Variants in FAT4 observed in about 807,000 individuals in gnomAD.
The protein encoded by FAT4 is FAT atypical cadherin 4, also known as protocadherin Fat 4.
Under a neutral mutation model 303.9 loss-of-function variants are expected in FAT4, and 84 were observed. The observed-to-expected ratio is 0.28, with a 90% CI of 0.23 to 0.33. The LOEUF (loss-of-function observed/expected upper bound fraction) is 0.33. FAT4 is among the 10% of genes least tolerant of loss of function. The pLI is 1.00. For synonymous variants in FAT4, 2,307 were observed against 2,298.8 expected, an observed-to-expected ratio of 1.00 and a Z score of -0.10; for missense variants, 6,005 against 6,146.8, an observed-to-expected ratio of 0.98 and a Z score of 0.77.
At chr4:125,410,361 G>A (rs542506006) in intron 5 of FAT4, among the ~76,000 whole-genome samples, 4 of 152,224 alleles carry the variant, frequency 2.6e-5, no homozygotes, top group Non-Finnish European at 4.4e-5. Context: ...CCTGGCCTAA[G>A]AACATTGCAC....
chr4:125,327,631 TTA>T (rs963160119), intron 2 of FAT4, among the ~76,000 whole-genome samples: 2 of 152,206 alleles, frequency 1.3e-5, no homozygotes, highest in Non-Finnish European at 2.9e-5. Flanking sequence ...GCTGCATATT[TTA>T]TATATATCTT....
chr4:125,364,184 T>A (rs1417150355), intron 2 of FAT4, among the ~76,000 whole-genome samples: 1 of 152,026 alleles, frequency 6.6e-6, no homozygotes, highest in African/African-American at 2.4e-5. Context: ...TCACTCTAGC[T>A]TCCCCTCTTT....
chr4:125,399,628 A>G (rs1040384211), intron 3 of FAT4, among the ~76,000 whole-genome samples: 33 of 151,948 alleles, frequency 2.2e-4, no homozygotes, highest in Non-Finnish European at 4.1e-4. Flanking sequence ...TGGCATATGA[A>G]TCAGTGCTTT....
At chr4:125,388,692 T>A (rs1475287181) in intron 2 of FAT4, among the ~76,000 whole-genome samples, 3 of 152,200 alleles carry the variant, frequency 2.0e-5, no homozygotes, top group Non-Finnish European at 4.4e-5. Context: ...TTGAAGTGGT[T>A]ACACATGGTT....
At chr4:125,488,247 A>G (rs1459139981) in intron 17 of FAT4, among the ~76,000 whole-genome samples, 2 of 152,382 alleles carry the variant, frequency 1.3e-5, no homozygotes, top group East Asian at 1.9e-4. Flanking sequence ...GGAGGCTAAC[A>G]TCATAGGCAA....
intron 2 of FAT4, among the ~76,000 whole-genome samples, chr4:125,326,204 T>G (rs1047581160): frequency 2.2e-4 from 34 of 152,030 alleles, no homozygotes; most frequent in African/African-American, 7.2e-4. Context: ...CACAAGAAAC[T>G]ATTAAGATTT....
chr4:125,476,177 T>G lies in FAT4; in HGVS notation c.12220T>G (p.Ser4074Ala), dbSNP rs142210211. The change falls in exon 13 of 18, where the codon TCC (serine) becomes GCC (alanine). Residue 4074 changes from serine (S) to alanine (A), a missense_variant. Ser to Ala is a moderately conservative substitution (Grantham distance 99). Coordinates refer to ENST00000394329, the MANE Select transcript of FAT4 (RefSeq NM_001291303.3). ...TCTTTCTCTTGCTTCGTAGGCAGCCTCCTTAACTGTGGACTCCTGTTCTGA... is the reference window on the plus strand; with the variant it reads ...TCTTTCTCTTGCTTCGTAGGCAGCCGCCTTAACTGTGGACTCCTGTTCTGA... ...VIARRAGMAASLTVDSCSENQ... is the reference protein window; with the variant it reads ...VIARRAGMAAALTVDSCSENQ... The G allele has an allele frequency of 1.9e-6, 3 of 1,592,838 alleles. No individual in the cohort carries two copies. The African/African-American group carries it at 4.0e-5, about 21-fold the overall frequency.
At chr4:125,334,389 G>A (rs10034706) in intron 2 of FAT4, among the ~76,000 whole-genome samples, 77,573 of 151,812 alleles carry the variant, frequency 0.51, 20,560 homozygotes, top group Non-Finnish European at 0.59. Context: ...AATCCCATTT[G>A]CAAAGATCCT....
intron 7 of FAT4, among the ~76,000 whole-genome samples, chr4:125,427,485 C>T (rs1233559215): frequency 6.6e-6 from 1 of 151,888 alleles, no homozygotes; most frequent in Admixed American, 6.6e-5. Context: ...TAATTAGCAG[C>T]AATACATTAT....
At chr4:125,410,108 T>C (rs963713687) in intron 5 of FAT4, among the ~76,000 whole-genome samples, 32 of 152,164 alleles carry the variant, frequency 2.1e-4, no homozygotes, top group Admixed American at 2.1e-3. Context: ...TTATATATGT[T>C]TCAATAAGTA....
chr4:125,472,171 C>T (rs1363827570), intron 12 of FAT4, among the ~76,000 whole-genome samples: 2 of 151,474 alleles, frequency 1.3e-5, no homozygotes, highest in Admixed American at 6.6e-5. Flanking sequence ...AAAAGAAAGC[C>T]TAGCCAAAAC....
Position 125,491,520 on chromosome 4 carries a change from G to A in FAT4, c.14704G>A (p.Gly4902Arg), listed in dbSNP as rs2126098617. The change falls in exon 18 of 18, where the codon GGA becomes AGA. Residue 4902 changes from glycine to arginine, a missense_variant. Physicochemically the swap from Gly to Arg is moderately radical, Grantham distance 125. Coordinates refer to ENST00000394329, the MANE Select transcript of FAT4 (RefSeq NM_001291303.3). ...AAGGTACCACGGTCGCAGGGCCGAG[G>A]GAGGACCTGTGGGCACCCAGGCAGC... ...PRRYHGRRAE[G>R]GPVGTQAAAP... 6.2e-7 allele frequency: 1 copy of A among 1,614,190 alleles called. No individual in the cohort carries two copies. Among genetic ancestry groups the A allele is most frequent in the Non-Finnish European group, 8.5e-7 (1 of 1,180,038 alleles).
chr4:125,477,087 G>A (rs531394407), intron 13 of FAT4, 68 bp from the exon 14 acceptor site: 20 of 1,209,858 alleles, frequency 1.7e-5, no homozygotes, highest in African/African-American at 1.6e-4. Flanking sequence ...ACTCTTTTTC[G>A]AACTAAACAT....
At chr4:125,468,360 C>A (rs1425394364) in intron 11 of FAT4, 152 bp from the exon 12 acceptor site, 1 of 479,170 alleles carries the variant, frequency 2.1e-6, no homozygotes, top group African/African-American at 2.0e-5. Flanking sequence ...AGATCATTAA[C>A]TATTTTAATT....
Position 125,491,752 on chromosome 4 carries a change from C to A in FAT4, c.14936C>A (p.Ala4979Glu). The A allele has an allele frequency of 3.1e-6, 5 of 1,611,814 alleles. No homozygotes were observed. The highest frequency in any genetic ancestry group is 4.2e-6 in the Non-Finnish European group (5 of 1,178,864). Reference protein sequence around the residue: ...TTKPVPKDGEAEQYV With the variant: ...TTKPVPKDGEEEQYV Reference sequence around the variant, plus strand: ...AAACCAGTCCCCAAAGATGGGGAAGCAGAACAGTATGTGTGAAGTTTATGT... The same window carrying A: ...AAACCAGTCCCCAAAGATGGGGAAGAAGAACAGTATGTGTGAAGTTTATGT... The change falls in exon 18 of 18, where the codon GCA becomes GAA. Residue 4979 changes from alanine (A) to glutamate (E), a missense_variant. Coordinates refer to ENST00000394329, the MANE Select transcript of FAT4 (RefSeq NM_001291303.3).
rs1506361 is a variant in FAT4 at position 125,479,670 on chromosome 4, G to T, written c.12480-71G>T. ...TGAAATTAAACAAGCTAATAAAAGT[G>T]TATATTGAGTTTTAGCAAACTTCTC... On this transcript the variant is annotated intron_variant, in intron 14 of 17. Transcript: ENST00000394329. 0.76 allele frequency: 1,048,935 copies of T among 1,371,976 alleles called. 401,735 individuals are homozygous for T. The highest frequency in any genetic ancestry group is 0.86 in the East Asian group (35,259 of 40,880). 85.0% of individuals were successfully genotyped at this position (1,371,976 alleles called of 1,614,324 possible).
chr4:125,393,152 G>A (rs1376899342), intron 2 of FAT4, among the ~76,000 whole-genome samples: 1 of 152,094 alleles, frequency 6.6e-6, no homozygotes, highest in Non-Finnish European at 1.5e-5. Context: ...TTCTTTATTT[G>A]AGAACCATTT....
chr4:125,396,957 T>G (rs1030214510), intron 2 of FAT4, among the ~76,000 whole-genome samples: 3,629 of 66,966 alleles, frequency 0.054, 151 homozygotes, highest in African/African-American at 0.14. Context: ...TATATATATA[T>G]ATATATATAA....
At chr4:125,472,440 G>GT (rs1209188826) in intron 12 of FAT4, among the ~76,000 whole-genome samples, 7 of 152,008 alleles carry the variant, frequency 4.6e-5, no homozygotes, top group East Asian at 1.9e-4. Context: ...GCTTTTGCTA[G>GT]TTTTTTTCCC....
Sources: allele counts gnomAD v4.1 joint callset (sites outside exome capture counted in the v4.1 genomes callset), GRCh38; gene constraint gnomAD v4.1.1; transcripts MANE v1.5; gene names NCBI Gene and HGNC (gene_info 2026-07-23, HGNC 2026-07-21).